Variants in GRAMD2B observed in about 807,000 individuals in gnomAD.
GRAMD2B encodes the protein GRAM domain-containing protein 2B.
A neutral mutation model predicts 59.2 loss-of-function variants in GRAMD2B; 41 were observed. The observed-to-expected ratio is 0.69, with a 90% confidence interval of 0.54 to 0.90. GRAMD2B has a LOEUF of 0.90. Ranked by LOEUF, GRAMD2B falls within the 40% of genes least tolerant of loss-of-function variation. The pLI is 0.00. For missense variants in GRAMD2B, 424 were observed against 500.5 expected (o/e 0.85, Z 1.46); for synonymous variants, 161 against 182.7 (o/e 0.88, Z 0.96).
At chr5:126,479,026 A>T (rs1037952796) in intron 6 of GRAMD2B, among the ~76,000 whole-genome samples, 6 of 152,242 alleles carry the variant, frequency 3.9e-5, no homozygotes, top group Non-Finnish European at 5.9e-5. Flanking sequence ...GGGCTACCAC[A>T]GACATGCACA....
intron 1 of GRAMD2B, chr5:126,465,154 C>G (rs1561564125): frequency 7.7e-7 from 1 of 1,304,708 alleles, no homozygotes; most frequent in Non-Finnish European, 9.8e-7. Context: ...CCATGCAGAG[C>G]AGAGCTGGGC....
intron 1 of GRAMD2B, among the ~76,000 whole-genome samples, chr5:126,461,379 T>G (rs4632794): frequency 0.92 from 140,837 of 152,294 alleles, 65,840 homozygotes; most frequent in East Asian, 1. Flanking sequence ...AAACTAATGA[T>G]GTCTGGGAAG....
intron 1 of GRAMD2B, among the ~76,000 whole-genome samples, chr5:126,448,024 T>C (rs1263088099): frequency 7.2e-6 from 1 of 138,108 alleles, no homozygotes; most frequent in Admixed American, 7.1e-5. Flanking sequence ...CACATCCAGC[T>C]AATTTTTGTA....
At chr5:126,414,817 G>A (rs1759120416) in intron 1 of GRAMD2B, among the ~76,000 whole-genome samples, 1 of 152,072 alleles carries the variant, frequency 6.6e-6, no homozygotes, top group Non-Finnish European at 1.5e-5. Flanking sequence ...GAGCCCTATA[G>A]GAAGATGGTA....
At chr5:126,389,677 G>C (rs1036751879) in intron 1 of GRAMD2B, among the ~76,000 whole-genome samples, 1 of 152,178 alleles carries the variant, frequency 6.6e-6, no homozygotes, top group Non-Finnish European at 1.5e-5. Context: ...GCTGGGCACC[G>C]TGGCTCACAC....
At chr5:126,464,874 C>G (rs150607372) in intron 1 of GRAMD2B, among the ~76,000 whole-genome samples, 1 of 152,184 alleles carries the variant, frequency 6.6e-6, no homozygotes, top group South Asian at 2.1e-4. Context: ...GGCAAGATAG[C>G]AAGAGCCTCA....
intron 1 of GRAMD2B, among the ~76,000 whole-genome samples, chr5:126,390,800 CACAAAT>C (rs1289803149): frequency 6.6e-6 from 1 of 152,296 alleles, no homozygotes; most frequent in Admixed American, 6.5e-5. Flanking sequence ...AAACTCTTTT[CACAAAT>C]AGGCTAATTT....
intron 6 of GRAMD2B, chr5:126,480,210 C>T (rs1054543848): frequency 2.1e-5 from 9 of 419,532 alleles, no homozygotes; most frequent in African/African-American, 1.9e-4. Context: ...TTCATTTTGC[C>T]CTACATGTAT....
At chr5:126,480,395 T>G (rs953820533) in intron 6 of GRAMD2B, 61 bp from the exon 7 acceptor site, 1 of 1,236,942 alleles carries the variant, frequency 8.1e-7, no homozygotes, top group African/African-American at 1.5e-5. Flanking sequence ...TTTTCTGAAC[T>G]CTCAACTCTC....
intron 1 of GRAMD2B, among the ~76,000 whole-genome samples, chr5:126,410,323 A>G (rs1758672145): frequency 6.6e-6 from 1 of 151,872 alleles, no homozygotes; most frequent in African/African-American, 2.4e-5. Flanking sequence ...ACCCATGAGC[A>G]TGGAATGTTC....
chr5:126,395,870 G>A (rs116036304), intron 1 of GRAMD2B, among the ~76,000 whole-genome samples: 1 of 152,074 alleles, frequency 6.6e-6, no homozygotes, highest in Non-Finnish European at 1.5e-5. Flanking sequence ...GTGATGTTTT[G>A]ATATACACAT....
In GRAMD2B at chr5:126,452,271, G is replaced by T. The variant is rs74560945; in HGVS notation, c.84-13155G>T. Among the ~76,000 whole-genome samples, 644 of 152,146 alleles carry T rather than the reference G, an allele frequency of 4.2e-3. 18 individuals carry two copies. The East Asian group carries it at 0.096, about 23-fold the overall frequency. Reference sequence around the variant, plus strand: ...TGTTGGATCCTCATGTGGTGGAAGGGACTAATGAGCTCCCTACAAGGGCAT... The same window carrying T: ...TGTTGGATCCTCATGTGGTGGAAGGTACTAATGAGCTCCCTACAAGGGCAT... On this transcript the variant is annotated intron_variant, in intron 1 of 13. Transcript: ENST00000285689.
chr5:126,405,135 A>G (rs540842855), intron 1 of GRAMD2B, among the ~76,000 whole-genome samples: 1 of 152,040 alleles, frequency 6.6e-6, no homozygotes, highest in Non-Finnish European at 1.5e-5. Context: ...GGGATGCAGA[A>G]TAAGGTGAGG....
At chr5:126,411,754 T>C (rs536501845) in intron 1 of GRAMD2B, among the ~76,000 whole-genome samples, 84 of 152,168 alleles carry the variant, frequency 5.5e-4, no homozygotes, top group African/African-American at 1.9e-3. Context: ...GTTTTTCCAT[T>C]TGTTTGTGTC....
At chr5:126,385,186 A>G (rs2149709734) in intron 1 of GRAMD2B, among the ~76,000 whole-genome samples, 1 of 152,340 alleles carries the variant, frequency 6.6e-6, no homozygotes, top group East Asian at 1.9e-4. Context: ...TATAGGGAGA[A>G]TAGCAAGTGG....
rs542358257 is a variant in GRAMD2B at position 126,364,702 on chromosome 5, A to C, written c.128+4243A>C. On this transcript the variant is annotated intron_variant, in intron 1 of 13. Coordinates refer to the GRAMD2B transcript ENST00000513040. ...CCACTAGTGATAGATCTATAACAGG[A>C]AGTATTTTAAGTACATGCATTCTAA... Among the ~76,000 whole-genome samples the C allele has an allele frequency of 2.0e-5, 3 of 152,320 alleles. No homozygotes were observed. In the East Asian group the frequency reaches 5.8e-4, roughly 29 times the overall value.
chr5:126,365,312 C>T (rs1244031757), intron 1 of GRAMD2B, among the ~76,000 whole-genome samples: 1 of 151,936 alleles, frequency 6.6e-6, no homozygotes, highest in Non-Finnish European at 1.5e-5. Context: ...AAAATTAATA[C>T]AAAAAATAAC....
intron 8 of GRAMD2B, among the ~76,000 whole-genome samples, chr5:126,482,453 A>G (rs894274581): frequency 6.6e-6 from 1 of 152,250 alleles, no homozygotes; most frequent in African/African-American, 2.4e-5. Context: ...GGCTCCACCC[A>G]GCTATGTTAT....
intron 1 of GRAMD2B, among the ~76,000 whole-genome samples, chr5:126,397,090 G>A (rs1757421824): frequency 6.6e-6 from 1 of 152,186 alleles, no homozygotes; most frequent in Non-Finnish European, 1.5e-5. Context: ...ACCTTTGTCA[G>A]ATGCATAGTT....
Sources: gnomAD v4.1 joint callset for allele counts (sites outside exome capture counted in the v4.1 genomes callset) on GRCh38, gnomAD v4.1.1 for gene constraint, MANE v1.5 for transcripts, NCBI Gene and HGNC (gene_info 2026-07-23, HGNC 2026-07-21) for gene names.